The following TATDN1 variants were observed in gnomAD, a reference collection of about 807,000 sequenced individuals.
TATDN1 encodes the protein TatD DNase domain containing 1, also known as deoxyribonuclease TATDN1.
TATDN1 carries 40 observed loss-of-function variants against 46.4 expected under a neutral mutation model. The observed-to-expected ratio is 0.86, with a 90% CI of 0.67 to 1.12. The LOEUF (loss-of-function observed/expected upper bound fraction) is 1.12. Among genes scored for constraint, TATDN1 ranks in the 50% most tolerant of loss-of-function variants. The probability of loss-of-function intolerance (pLI) is 0.00; values close to 1 mark genes in which losing one functional copy is unlikely to be tolerated. For synonymous variants in TATDN1, 95 were observed against 105.6 expected (o/e 0.90, Z 0.62); for missense variants, 326 against 348.4 (o/e 0.94, Z 0.51).
intron 8 of TATDN1, among the ~76,000 whole-genome samples, chr8:124,507,285 A>G (rs1255429828): frequency 6.6e-6 from 1 of 152,248 alleles, no homozygotes; most frequent in Non-Finnish European, 1.5e-5. Flanking sequence ...GCAGAATGCA[A>G]ATTACAGAAA....
chr8:124,514,986 C>T (rs746867487), intron 6 of TATDN1, among the ~76,000 whole-genome samples: 11 of 152,110 alleles, frequency 7.2e-5, no homozygotes, highest in Non-Finnish European at 1.0e-4. Context: ...GACGGAGTCT[C>T]CTTATGTTGC....
chr8:124,512,802 G>C (rs1338611644), intron 6 of TATDN1, among the ~76,000 whole-genome samples: 2 of 152,150 alleles, frequency 1.3e-5, no homozygotes, highest in Non-Finnish European at 2.9e-5. Flanking sequence ...AGAGTGCTGT[G>C]TATACAAAAC....
intron 1 of TATDN1, among the ~76,000 whole-genome samples, chr8:124,530,104 A>T (rs2131556928): frequency 6.6e-6 from 1 of 152,002 alleles, no homozygotes; most frequent in East Asian, 1.9e-4. Flanking sequence ...AAAAAACCAT[A>T]AAAAACCCAA....
intron 1 of TATDN1, among the ~76,000 whole-genome samples, chr8:124,531,475 T>C (rs1407795869): frequency 6.6e-6 from 1 of 152,178 alleles, no homozygotes; most frequent in Non-Finnish European, 1.5e-5. Context: ...AAACTTGTTC[T>C]AGTATTTGGC....
chr8:124,524,492 G>A (rs1747034649), intron 1 of TATDN1, among the ~76,000 whole-genome samples: 1 of 152,200 alleles, frequency 6.6e-6, no homozygotes, highest in African/African-American at 2.4e-5. Context: ...GAAGAGGGGA[G>A]AGGCCTTTCT....
chr8:124,491,599 C>T (rs953513663), intron 11 of TATDN1: 1 of 152,246 alleles, frequency 6.6e-6, no homozygotes, highest in African/African-American at 2.4e-5. Flanking sequence ...CACTGAATGC[C>T]TTATCTAAAG....
At chr8:124,496,810 T>C (rs1371191308) in intron 9 of TATDN1, among the ~76,000 whole-genome samples, 1 of 152,224 alleles carries the variant, frequency 6.6e-6, no homozygotes, top group Non-Finnish European at 1.5e-5. Flanking sequence ...TTAGGTAATA[T>C]GGACCTCTCA....
intron 6 of TATDN1, among the ~76,000 whole-genome samples, chr8:124,512,963 G>T (rs1037767388): frequency 6.6e-6 from 1 of 151,804 alleles, no homozygotes; most frequent in African/African-American, 2.4e-5. Context: ...TGCCCGGGCT[G>T]GAGTCCAATG....
intron 11 of TATDN1, chr8:124,489,760 T>G (rs965475327): frequency 1.3e-5 from 2 of 152,196 alleles, no homozygotes; most frequent in African/African-American, 4.8e-5. Flanking sequence ...CCGTAGTGTC[T>G]CCATACTTAT....
At chr8:124,521,317 A>AGT (rs1031582368) in intron 3 of TATDN1, among the ~76,000 whole-genome samples, 1 of 152,034 alleles carries the variant, frequency 6.6e-6, no homozygotes, top group African/African-American at 2.4e-5. Flanking sequence ...GTCATTCCTA[A>AGT]GTGTGTGTGT....
At chr8:124,509,356 A>C (rs1256384523) in intron 6 of TATDN1, among the ~76,000 whole-genome samples, 1 of 152,206 alleles carries the variant, frequency 6.6e-6, no homozygotes, top group Non-Finnish European at 1.5e-5. Flanking sequence ...ACAGAACTTC[A>C]CTGCTCTAAT....
intron 1 of TATDN1, among the ~76,000 whole-genome samples, chr8:124,536,878 AAT>A (rs1317316636): frequency 6.6e-6 from 1 of 152,142 alleles, no homozygotes; most frequent in Non-Finnish European, 1.5e-5. Flanking sequence ...TAGAATGCAT[AAT>A]ATGATCTCAT....
chr8:124,518,681 A>C, intron 4 of TATDN1, 137 bp downstream of exon 4: 1 of 652,826 alleles, frequency 1.5e-6, no homozygotes, highest in Non-Finnish European at 2.7e-6. Flanking sequence ...CATCTTAATC[A>C]TGTCCCATTT....
At chr8:124,516,904 GGAAAGGTATCAA>G (rs1819521580) in intron 4 of TATDN1, among the ~76,000 whole-genome samples, 2 of 152,114 alleles carry the variant, frequency 1.3e-5, no homozygotes, top group Non-Finnish European at 2.9e-5. Context: ...CCGAACCATG[GGAAAGGTATCAA>G]GCTTTCCTCA....
intron 6 of TATDN1, 101 bp downstream of exon 6, chr8:124,515,645 T>C: frequency 8.5e-7 from 1 of 1,182,770 alleles, no homozygotes; most frequent in East Asian, 2.5e-5. Context: ...AAAACAAAAA[T>C]ATCCTCATGC....
At position 124,491,384 on chromosome 8, in the gene TATDN1, T is replaced by G. The variant is rs139490616; in HGVS notation, c.791+2449A>C. Reference sequence around the variant, plus strand: ...TGCAGTCTGCCTTTGCTTAAGGTGTTTGTTTGTCTTTCTCTGGCCTAACTC... The same window carrying G: ...TGCAGTCTGCCTTTGCTTAAGGTGTGTGTTTGTCTTTCTCTGGCCTAACTC... On this transcript the variant is annotated intron_variant, in intron 11 of 11. Transcript: ENST00000276692. 1,351 of 152,424 alleles carry G rather than the reference T, an allele frequency of 8.9e-3. 11 individuals are homozygous for G. The highest frequency in any genetic ancestry group is 0.027 in the Middle Eastern group (8 of 296). 9.4% of individuals were successfully genotyped at this position (152,424 alleles called of 1,614,324 possible).
Position 124,529,726 on chromosome 8 carries a change from A to G in TATDN1, c.23-6724T>C, listed in dbSNP as rs546515486. 6.6e-5 allele frequency among the ~76,000 whole-genome samples: 10 copies of G among 152,356 alleles called. No homozygotes were observed. The East Asian group carries it at 1.7e-3, about 26-fold the overall frequency. On this transcript the variant is annotated intron_variant, in intron 1 of 11. Coordinates refer to ENST00000276692, the MANE Select transcript of TATDN1 (RefSeq NM_032026.4). ...TAAATGTAAATATTGTGGGCACTGT[A>G]GGGATATATTTTTAACTTTATTTAT...
intron 1 of TATDN1, among the ~76,000 whole-genome samples, chr8:124,532,792 A>G (rs1471567527): frequency 6.6e-6 from 1 of 152,216 alleles, no homozygotes; most frequent in African/African-American, 2.4e-5. Flanking sequence ...GCCTGATTCA[A>G]TGATTCCCAT....
intron 11 of TATDN1, among the ~76,000 whole-genome samples, chr8:124,490,500 ACT>A (rs1024225825): frequency 1.3e-5 from 2 of 151,534 alleles, no homozygotes; most frequent in Non-Finnish European, 1.5e-5. Flanking sequence ...ACAGAGCGAG[ACT>A]CTCTCTCCAA....
Sources: allele counts gnomAD v4.1 joint callset (sites outside exome capture counted in the v4.1 genomes callset), GRCh38; gene constraint gnomAD v4.1.1; transcripts MANE v1.5; gene names NCBI Gene and HGNC (gene_info 2026-07-23, HGNC 2026-07-21).